The following SLC28A3 variants were observed in gnomAD, a reference collection of about 807,000 sequenced individuals.
The protein encoded by SLC28A3 is solute carrier family 28 member 3, also known as concentrative Na(+)-nucleoside cotransporter 3.
Under a neutral mutation model 84.2 loss-of-function variants are expected in SLC28A3, and 68 were observed. The ratio of observed to expected loss-of-function variants is 0.81; its 90% CI spans 0.66 to 0.99. The LOEUF is 0.99. Ranked by LOEUF, SLC28A3 falls within the 50% of genes least tolerant of loss-of-function variation. SLC28A3 has a pLI of 0.00. For missense variants in SLC28A3, 712 were observed against 841.5 expected (o/e 0.85, Z 1.90); for synonymous variants, 267 against 303.6 (o/e 0.88, Z 1.25).
intron 1 of SLC28A3, among the ~76,000 whole-genome samples, chr9:84,326,633 A>AAACAACAACAAC (rs34082643): frequency 2.7e-5 from 4 of 148,176 alleles, no homozygotes; most frequent in Non-Finnish European, 4.5e-5. Flanking sequence ...GATGGATTAA[A>AAACAACAACAAC]AACAACAACA....
At chr9:84,302,112 G>A (rs1825654087) in intron 5 of SLC28A3, 88 bp downstream of exon 5, 9 of 1,294,404 alleles carry the variant, frequency 7.0e-6, no homozygotes, top group African/African-American at 3.0e-5. Flanking sequence ...CCATAAATGA[G>A]GAAGCAATTT....
At chr9:84,354,208 G>A in the SLC28A3 span, among the ~76,000 whole-genome samples, 3 of 152,178 alleles carry the variant, frequency 2.0e-5, no homozygotes, top group South Asian at 2.1e-4. Flanking sequence ...GCTCCTCAGC[G>A]AGGCTGTCCC....
At chr9:84,360,924 A>G in the SLC28A3 span, among the ~76,000 whole-genome samples, 2 of 152,082 alleles carry the variant, frequency 1.3e-5, no homozygotes, top group Non-Finnish European at 2.9e-5. Flanking sequence ...AATAATAATA[A>G]TAATAAACCA....
In SLC28A3 at chr9:84,278,142, G is replaced by T; in HGVS notation, c.*76C>A. The stretch of plus-strand genomic sequence containing the variant: ...TGGAAGCATCAATCTGTGGACAATA[G>T]CTTCTTTTTTTTTTCTTTCCAAAGC... On this transcript the variant is annotated 3_prime_UTR_variant, in exon 18 of 18. Transcript: ENST00000376238. The T allele has an allele frequency of 6.6e-7, 1 of 1,525,960 alleles. No individual in the cohort carries two copies. The highest frequency in any genetic ancestry group is 8.8e-7 in the Non-Finnish European group (1 of 1,131,390). The allele number at this position is 1,525,960 out of a possible 1,614,324, so 94.5% of individuals were successfully genotyped here.
intron 1 of SLC28A3, among the ~76,000 whole-genome samples, chr9:84,330,164 A>G (rs1026400716): frequency 6.0e-5 from 9 of 150,792 alleles, no homozygotes; most frequent in African/African-American, 1.7e-4. Flanking sequence ...TACTTAAGGG[A>G]AAAAAAAAGC....
At chr9:84,366,258 G>A in the SLC28A3 span, among the ~76,000 whole-genome samples, 205 of 152,102 alleles carry the variant, frequency 1.3e-3, no homozygotes, top group Non-Finnish European at 1.8e-3. Flanking sequence ...TTCAATCTCT[G>A]TGTTAAATTT....
intron 8 of SLC28A3, 68 bp from the exon 9 acceptor site, chr9:84,294,343 C>T (rs1042289334): frequency 1.9e-5 from 28 of 1,446,208 alleles, no homozygotes; most frequent in Admixed American, 3.4e-5. Flanking sequence ...TATATCAGGC[C>T]TCCTCTCTGT....
At chr9:84,307,438 A>AAAAAAAAAC (rs1825837258) in intron 3 of SLC28A3, among the ~76,000 whole-genome samples, 2 of 98,950 alleles carry the variant, frequency 2.0e-5, no homozygotes, top group East Asian at 1.3e-3. Flanking sequence ...CTCAAAAAAA[A>AAAAAAAAAC]AAAAAAACAA....
At chr9:84,306,516 TACTGAC>T (rs1202342076) in intron 3 of SLC28A3, among the ~76,000 whole-genome samples, 1 of 152,188 alleles carries the variant, frequency 6.6e-6, no homozygotes, top group Non-Finnish European at 1.5e-5. Context: ...ATGAACCCAT[TACTGAC>T]CCATTCCAGT....
intron 14 of SLC28A3, among the ~76,000 whole-genome samples, chr9:84,282,922 T>C (rs1315235683): frequency 6.6e-6 from 1 of 152,206 alleles, no homozygotes; most frequent in African/African-American, 2.4e-5. Context: ...ATATTTTCCA[T>C]CAGCGCGCAT....
intron 2 of SLC28A3, among the ~76,000 whole-genome samples, chr9:84,311,836 CAG>C (rs1225187945): frequency 2.0e-5 from 3 of 152,190 alleles, no homozygotes; most frequent in Non-Finnish European, 2.9e-5. Context: ...AGCCTGCTGA[CAG>C]AGCGAGATTC....
At chr9:84,350,155 G>A in the SLC28A3 span, among the ~76,000 whole-genome samples, 5 of 152,134 alleles carry the variant, frequency 3.3e-5, no homozygotes, top group African/African-American at 4.8e-5. Context: ...TAAAAAATAT[G>A]GTAGGCCCGG....
chr9:84,343,776 G>T (rs1827207554), upstream of SLC28A3, among the ~76,000 whole-genome samples: 1 of 152,284 alleles, frequency 6.6e-6, no homozygotes, highest in African/African-American at 2.4e-5. Flanking sequence ...GAATTGAGTA[G>T]CTGTGACAAA....
chr9:84,303,265 C>T (rs1399995352), intron 4 of SLC28A3, among the ~76,000 whole-genome samples: 1 of 152,188 alleles, frequency 6.6e-6, no homozygotes, highest in Non-Finnish European at 1.5e-5. Flanking sequence ...AGACTCATTT[C>T]TCTATCGCCT....
chr9:84,293,833 A>C (rs1012279455), intron 9 of SLC28A3, among the ~76,000 whole-genome samples: 13 of 152,236 alleles, frequency 8.5e-5, no homozygotes, highest in Non-Finnish European at 1.6e-4. Flanking sequence ...CATACAATTA[A>C]GGAGTAGCTT....
intron 10 of SLC28A3, among the ~76,000 whole-genome samples, chr9:84,292,426 T>C (rs927827041): frequency 2.6e-5 from 4 of 152,026 alleles, no homozygotes; most frequent in Non-Finnish European, 5.9e-5. Context: ...ACCCAGACTG[T>C]TAAAAGGAAT....
chr9:84,358,026 C>T, the SLC28A3 span, among the ~76,000 whole-genome samples: 8 of 152,312 alleles, frequency 5.3e-5, no homozygotes, highest in East Asian at 5.8e-4. Flanking sequence ...TCCCCTATTA[C>T]GAGCTGAGAT....
chr9:84,304,080 T>G (rs1825714801), intron 4 of SLC28A3, among the ~76,000 whole-genome samples: 1 of 152,242 alleles, frequency 6.6e-6, no homozygotes, highest in Non-Finnish European at 1.5e-5. Flanking sequence ...AACCTCGTGA[T>G]TGATTCTTCA....
chr9:84,343,794 C>T (rs369550799), upstream of SLC28A3, among the ~76,000 whole-genome samples: 17 of 152,274 alleles, frequency 1.1e-4, 1 homozygote, highest in East Asian at 2.9e-3. Context: ...AAATACCACA[C>T]GGCTCAAAGA....
Sources: allele counts gnomAD v4.1 joint callset (sites outside exome capture counted in the v4.1 genomes callset), GRCh38; gene constraint gnomAD v4.1.1; transcripts MANE v1.5; gene names NCBI Gene and HGNC (gene_info 2026-07-23, HGNC 2026-07-21).